The following SNX4 variants were observed in gnomAD, a reference collection of about 807,000 sequenced individuals.
SNX4 encodes the protein sorting nexin-4.
A neutral mutation model predicts 70.8 loss-of-function variants in SNX4; 49 were observed. That is an observed-to-expected ratio of 0.69 (90% CI 0.55 to 0.88). The LOEUF is 0.88. Ranked by LOEUF, SNX4 falls within the 40% of genes least tolerant of loss-of-function variation. The pLI is 0.00. For synonymous variants in SNX4, 206 were observed against 183.8 expected (o/e 1.12, Z -0.98); for missense variants, 528 against 544.8 (o/e 0.97, Z 0.31).
At chr3:125,481,801 C>T (rs184102627) in intron 6 of SNX4, among the ~76,000 whole-genome samples, 2 of 152,266 alleles carry the variant, frequency 1.3e-5, no homozygotes, top group East Asian at 1.9e-4. Flanking sequence ...TCAAGGTCCT[C>T]GTGGGACTCA....
intron 1 of SNX4, among the ~76,000 whole-genome samples, chr3:125,511,394 G>A (rs575707082): frequency 6.6e-6 from 1 of 152,080 alleles, no homozygotes; most frequent in South Asian, 2.1e-4. Flanking sequence ...TAACAATCAG[G>A]AGTCATCTTA....
chr3:125,502,974 T>G (rs1580005950), intron 2 of SNX4, among the ~76,000 whole-genome samples: 1 of 150,448 alleles, frequency 6.6e-6, no homozygotes, highest in Non-Finnish European at 1.5e-5. Flanking sequence ...CAGGCTGGAG[T>G]GCAGTGGCAA....
At chr3:125,457,858 T>C (rs1427574280) in intron 10 of SNX4, among the ~76,000 whole-genome samples, 1 of 152,120 alleles carries the variant, frequency 6.6e-6, no homozygotes, top group Non-Finnish European at 1.5e-5. Flanking sequence ...ATTACAGGCA[T>C]GAGCCACCTG....
chr3:125,485,594 G>A (rs750481451), intron 6 of SNX4, among the ~76,000 whole-genome samples: 1 of 152,024 alleles, frequency 6.6e-6, no homozygotes, highest in Admixed American at 6.6e-5. Context: ...CACCGTGCCC[G>A]GCCTTATTTG....
chr3:125,454,437 G>A (rs1385999871), intron 11 of SNX4, among the ~76,000 whole-genome samples: 2 of 152,168 alleles, frequency 1.3e-5, no homozygotes, highest in Admixed American at 6.5e-5. Context: ...AAATGAAACA[G>A]TTTCATCCCG....
At chr3:125,469,595 AT>A in intron 8 of SNX4, 76 bp from the exon 9 acceptor site, 1 of 1,003,858 alleles carries the variant, frequency 1.0e-6, no homozygotes, top group Non-Finnish European at 1.6e-6. Context: ...TCTTTTCAAG[AT>A]TCTTGTCTAG....
At chr3:125,483,826 A>C (rs1439332142) in intron 6 of SNX4, among the ~76,000 whole-genome samples, 1 of 152,260 alleles carries the variant, frequency 6.6e-6, no homozygotes, top group Non-Finnish European at 1.5e-5. Context: ...TGTATGTTTA[A>C]GAAATAAAGG....
intron 6 of SNX4, among the ~76,000 whole-genome samples, chr3:125,484,007 G>A (rs1294859235): frequency 6.6e-6 from 1 of 152,060 alleles, no homozygotes; most frequent in Non-Finnish European, 1.5e-5. Context: ...TTGAAAACAG[G>A]GAGTTTAAAA....
chr3:125,462,971 C>T (rs1265153611), intron 9 of SNX4, among the ~76,000 whole-genome samples: 2 of 152,182 alleles, frequency 1.3e-5, no homozygotes, highest in Non-Finnish European at 2.9e-5. Flanking sequence ...TTTTATTTCT[C>T]TGATAGCATT....
chr3:125,462,868 TGTCAGGTGGAAACCTTTTA>T (rs1933919145), intron 9 of SNX4, among the ~76,000 whole-genome samples: 1 of 152,132 alleles, frequency 6.6e-6, no homozygotes, highest in Non-Finnish European at 1.5e-5. Context: ...GAGCCGGTGG[TGTCAGGTGGAAACCTTTTA>T]TTGAAGAGCA....
Position 125,497,959 on chromosome 3 carries a change from A to G in SNX4, c.424T>C (p.Ser142Pro). 3.7e-6 allele frequency: 6 copies of G among 1,614,176 alleles called. No homozygotes were observed. Among genetic ancestry groups the G allele is most frequent in the Non-Finnish European group, 5.1e-6 (6 of 1,180,022 alleles). The stretch of plus-strand genomic sequence containing the variant: ...AAATCTGGATCCATGTTGTCAGCAG[A>G]GAGTTTATGCCAAACAAATTCTGCC... ...KRAEFVWHKL[S>P]ADNMDPDFVE... The change falls in exon 4 of 14, where the codon TCT becomes CCT. Residue 142 changes from serine (S) to proline (P), a missense_variant. Around this residue, in one of 3 missense-constraint regions of SNX4, gnomAD observed 341 missense variants for 312.2 expected, o/e 1.09. Coordinates refer to ENST00000251775, the MANE Select transcript of SNX4 (RefSeq NM_003794.4).
At chr3:125,452,191 C>T (rs1371865478) in intron 12 of SNX4, among the ~76,000 whole-genome samples, 1 of 151,886 alleles carries the variant, frequency 6.6e-6, no homozygotes, top group Non-Finnish European at 1.5e-5. Context: ...CCACAACCTC[C>T]ACATCCAGGG....
chr3:125,465,642 CTTTTT>C (rs1933991767), intron 9 of SNX4, among the ~76,000 whole-genome samples: 1 of 151,406 alleles, frequency 6.6e-6, no homozygotes, highest in East Asian at 1.9e-4. Context: ...TAAACTTTTA[CTTTTT>C]ATTTTATTTT....
At chr3:125,455,234 T>C (rs533998506) in intron 11 of SNX4, among the ~76,000 whole-genome samples, 60 of 152,336 alleles carry the variant, frequency 3.9e-4, no homozygotes, top group African/African-American at 1.4e-3. Flanking sequence ...CATACCCGGC[T>C]TGAATTTCAT....
intron 7 of SNX4, among the ~76,000 whole-genome samples, chr3:125,477,831 T>A (rs1399614468): frequency 1.3e-5 from 2 of 152,128 alleles, no homozygotes; most frequent in African/African-American, 4.8e-5. Context: ...ACTGGAGCAC[T>A]GTCAGGTTCA....
At chr3:125,465,315 G>A (rs1370861171) in intron 9 of SNX4, among the ~76,000 whole-genome samples, 4 of 150,902 alleles carry the variant, frequency 2.7e-5, no homozygotes, top group Non-Finnish European at 5.9e-5. Context: ...GTGCAATCTC[G>A]ATTCACTGTA....
At chr3:125,509,449 C>T (rs1056917271) in intron 1 of SNX4, among the ~76,000 whole-genome samples, 1 of 151,542 alleles carries the variant, frequency 6.6e-6, no homozygotes, top group African/African-American at 2.4e-5. Flanking sequence ...CAAAACTCAA[C>T]AACAAAATAC....
intron 10 of SNX4, 78 bp from the exon 11 acceptor site, chr3:125,457,443 C>T: frequency 9.7e-7 from 1 of 1,036,236 alleles, no homozygotes; most frequent in Non-Finnish European, 1.5e-6. Context: ...AGAGGAGAAC[C>T]ATTCACAATG....
chr3:125,480,438 G>T, intron 6 of SNX4, 119 bp from the exon 7 acceptor site: 1 of 425,494 alleles, frequency 2.4e-6, no homozygotes, highest in Non-Finnish European at 4.2e-6. Context: ...CCATATGCTG[G>T]CCTTAAACAT....
Sources: allele counts gnomAD v4.1 joint callset (sites outside exome capture counted in the v4.1 genomes callset), GRCh38; gene constraint gnomAD v4.1.1; regional missense constraint gnomAD v4.1.1; transcripts MANE v1.5; gene names NCBI Gene and HGNC (gene_info 2026-07-23, HGNC 2026-07-21).